UNC13A: variants seen among roughly 807,000 people sequenced by gnomAD.
The protein encoded by UNC13A is protein unc-13 homolog A.
In UNC13A, 61 loss-of-function variants were observed where a neutral mutation model predicts 219.7. The observed-to-expected ratio is 0.28, with a 90% CI of 0.23 to 0.34. UNC13A has a LOEUF of 0.34. Ranked by LOEUF, UNC13A falls within the 10% of genes least tolerant of loss-of-function variation. The pLI, the probability that UNC13A is intolerant of heterozygous loss-of-function variation, is 1.00. For synonymous variants in UNC13A, 920 were observed against 884.6 expected (o/e 1.04, Z -0.71); for missense variants, 1,476 against 2,270.3 (o/e 0.65, Z 7.11).
At chr19:17,671,408 G>A (rs6512211) in intron 4 of UNC13A, among the ~76,000 whole-genome samples, 82,367 of 151,748 alleles carry the variant, frequency 0.54, 24,893 homozygotes, top group African/African-American at 0.79. Flanking sequence ...AGGCCTTCCT[G>A]GGGTCAGCAT....
At chr19:17,610,781 C>T (rs2076595050) in intron 42 of UNC13A, among the ~76,000 whole-genome samples, 1 of 152,138 alleles carries the variant, frequency 6.6e-6, no homozygotes, top group African/African-American at 2.4e-5. Context: ...GGAATCCCAG[C>T]ACTTTGGGAG....
chr19:17,632,723 C>T, intron 28 of UNC13A, 59 bp downstream of exon 28: 1 of 1,611,168 alleles, frequency 6.2e-7, no homozygotes, highest in Non-Finnish European at 8.5e-7. Flanking sequence ...CTCTGGCTTT[C>T]CTTCTAGCTG....
chr19:17,618,366 G>A (rs1424925471), intron 40 of UNC13A, 55 bp downstream of exon 40: 5 of 1,531,818 alleles, frequency 3.3e-6, no homozygotes, highest in Non-Finnish European at 4.4e-6. Context: ...CATGACCACA[G>A]CAGCCACACC....
At position 17,623,533 on chromosome 19, in the gene UNC13A, T is replaced by C. The variant is rs1162478353; in HGVS notation, c.4203+9A>G. 2 of 1,503,656 alleles carry C rather than the reference T, an allele frequency of 1.3e-6. No homozygotes were observed. Among genetic ancestry groups the C allele is most frequent in the East Asian group, 2.6e-5 (1 of 38,508 alleles). 93.1% of individuals were successfully genotyped at this position (1,503,656 alleles called of 1,614,324 possible). ...GGACAGACAGACGGACAGACGGGAC[T>C]CTACTTACGATCATCTGTCATCCGT... On this transcript the variant is annotated intron_variant, in intron 36 of 43. Coordinates refer to ENST00000519716, the MANE Select transcript of UNC13A (RefSeq NM_001080421.3).
In UNC13A at chr19:17,665,237, T is replaced by C. The variant is rs76308864; in HGVS notation, c.523+1413A>G. 1.0e-4 allele frequency among the ~76,000 whole-genome samples: 15 copies of C among 147,824 alleles called. No homozygotes were observed. The East Asian group carries it at 2.2e-3, about 21-fold the overall frequency. On this transcript the variant is annotated intron_variant, in intron 7 of 43. Coordinates refer to ENST00000519716, the MANE Select transcript of UNC13A (RefSeq NM_001080421.3). ...AAAGAGAAGAAGAAAAGAAAGTAAA[T>C]GGGAAAGGAGAAGGAGGCTAAAGAG...
chr19:17,660,324 A>G (rs2079529106), intron 8 of UNC13A, among the ~76,000 whole-genome samples: 3 of 151,864 alleles, frequency 2.0e-5, no homozygotes, highest in South Asian at 4.2e-4. Flanking sequence ...TGAAGGGTAA[A>G]TTACTTTGAG....
At position 17,648,918 on chromosome 19, in the gene UNC13A, C is replaced by T. The variant is rs756693471; in HGVS notation, c.1590G>A (p.Glu530=). 1 of 1,597,530 alleles carries T rather than the reference C, an allele frequency of 6.3e-7. No homozygotes were observed. Among genetic ancestry groups the T allele is most frequent in the Non-Finnish European group, 8.5e-7 (1 of 1,172,694 alleles). Residue 530 remains glutamate, a synonymous_variant, in exon 15 of 44, where the codon GAG becomes GAA. Transcript: ENST00000519716. ...SALASSTLNN[E]ELKNHVYKKT... is the part of the protein sequence containing the mutation. ...AAAGAGGTGCCCCACGCACCAGCTC[C>T]TCGTTGTTCAACGTGCTGGAGGCCA...
At position 17,639,916 on chromosome 19, in the gene UNC13A, G is replaced by A. The variant is rs77244122; in HGVS notation, c.2788-8C>T. ...TTTCACGAAGCGCTCTTTCTGAGGAGGAAGGGGAGGAGGGAGGATGGATGG... is the reference window on the plus strand; with the variant it reads ...TTTCACGAAGCGCTCTTTCTGAGGAAGAAGGGGAGGAGGGAGGATGGATGG... On this transcript the variant is annotated splice_region_variant and splice_polypyrimidine_tract_variant and intron_variant, in intron 22 of 43. Transcript: ENST00000519716. The A allele has an allele frequency of 2.0e-3, 3,300 of 1,613,704 alleles. 53 individuals carry two copies. The African/African-American group carries it at 0.038, about 19-fold the overall frequency.
chr19:17,618,996 G>T (rs752504573), intron 38 of UNC13A, 34 bp from the exon 39 acceptor site: 6 of 1,608,466 alleles, frequency 3.7e-6, no homozygotes, highest in Admixed American at 1.7e-5. Flanking sequence ...GGTGAGGGCA[G>T]GGGTGCTACA....
At chr19:17,659,222 T>G (rs1432568742) in intron 8 of UNC13A, among the ~76,000 whole-genome samples, 1 of 143,526 alleles carries the variant, frequency 7.0e-6, no homozygotes, top group African/African-American at 2.6e-5. Flanking sequence ...GCGGGCAGAT[T>G]ACTTGAGGCC....
intron 3 of UNC13A, among the ~76,000 whole-genome samples, 185 bp from the exon 4 acceptor site, chr19:17,672,680 G>T (rs2079813135): frequency 6.6e-6 from 1 of 152,100 alleles, no homozygotes; most frequent in African/African-American, 2.4e-5. Context: ...GCCAGTGGGG[G>T]AAGTTAAGAG....
chr19:17,647,421 G>C lies in UNC13A; in HGVS notation c.1888C>G (p.Arg630Gly). The change falls in exon 17 of 44, where the codon CGC (arginine) becomes GGC (glycine). Residue 630 changes from arginine (R) to glycine (G), a missense_variant. Physicochemically the swap from Arg to Gly is moderately radical, Grantham distance 125. This residue lies in a region of UNC13A where 85 missense variants were observed against 211.5 expected (regional missense o/e 0.40). Transcript: ENST00000519716. ...TTGTTGCGCTCCCGGATCTTCATGC[G>C]GTCCTTGAGCACCATGATGATGTTC... ...TQNIIMVLKD[R>G]MKIRERNKPE... is the part of the protein sequence containing the mutation. 6.2e-7 allele frequency: 1 copy of C among 1,613,720 alleles called. No individual in the cohort carries two copies. Among genetic ancestry groups the C allele is most frequent in the Non-Finnish European group, 8.5e-7 (1 of 1,179,838 alleles).
chr19:17,624,858 T>C lies in UNC13A; in HGVS notation c.4168A>G (p.Ile1390Val), dbSNP rs746832816. The C allele has an allele frequency of 6.2e-7, 1 of 1,613,834 alleles. No homozygotes were observed. Among genetic ancestry groups the C allele is most frequent in the Non-Finnish European group, 8.5e-7 (1 of 1,179,766 alleles). Residue 1390 changes from isoleucine (I) to valine (V), a missense_variant, in exon 35 of 44, where the codon ATC becomes GTC. Physicochemically the swap from Ile to Val is conservative, Grantham distance 29. Transcript: ENST00000519716. ...KLVMNTMEKT[I>V]VLPPLTDQTM... The stretch of plus-strand genomic sequence containing the variant: ...TGGTCAGTGAGGGGCGGCAGGACGA[T>C]GGTTTTCTCCATGGTGTTCATAACC...
At chr19:17,642,094 A>C (rs906957530) in intron 20 of UNC13A, among the ~76,000 whole-genome samples, 3 of 151,240 alleles carry the variant, frequency 2.0e-5, no homozygotes, top group Non-Finnish European at 4.4e-5. Flanking sequence ...AAATTCACCT[A>C]TCTACTCAAT....
chr19:17,618,574 T>A (rs1458918318), intron 39 of UNC13A, 73 bp from the exon 40 acceptor site: 4 of 1,457,778 alleles, frequency 2.7e-6, no homozygotes, highest in Admixed American at 3.9e-5. Context: ...ATGGGTCTCA[T>A]CCCTGTTCAA....
At chr19:17,635,928 G>A in intron 26 of UNC13A, 96 bp downstream of exon 26, 1 of 1,440,856 alleles carries the variant, frequency 6.9e-7, no homozygotes. Context: ...GCACATTTGT[G>A]TAATTAGACA....
chr19:17,646,923 G>A (rs1364302033), intron 17 of UNC13A, among the ~76,000 whole-genome samples: 1 of 152,062 alleles, frequency 6.6e-6, no homozygotes, highest in Non-Finnish European at 1.5e-5. Flanking sequence ...TCTGCTCAAC[G>A]GCATCTCCTT....
Position 17,618,895 on chromosome 19 carries a change from C to T in UNC13A, c.4329+11G>A, listed in dbSNP as rs758338347. On this transcript the variant is annotated intron_variant, in intron 39 of 43. Coordinates refer to ENST00000519716, the MANE Select transcript of UNC13A (RefSeq NM_001080421.3). ...CAGTCCCTCACGCCATAATCTATCCCCACTCCTCACCTTGAGTTTGGACAG... is the reference window on the plus strand; with the variant it reads ...CAGTCCCTCACGCCATAATCTATCCTCACTCCTCACCTTGAGTTTGGACAG... The T allele has an allele frequency of 1.2e-6, 2 of 1,613,912 alleles. No individual in the cohort carries two copies. The highest frequency in any genetic ancestry group is 1.7e-6 in the Non-Finnish European group (2 of 1,179,852).
intron 42 of UNC13A, 138 bp from the exon 43 acceptor site, chr19:17,610,237 G>T: frequency 2.6e-6 from 3 of 1,149,294 alleles, no homozygotes; most frequent in Middle Eastern, 2.4e-4. Context: ...AGGCCAAGGC[G>T]GGTGGATCAC....
Sources: allele counts gnomAD v4.1 joint callset (sites outside exome capture counted in the v4.1 genomes callset), GRCh38; gene constraint gnomAD v4.1.1; regional missense constraint gnomAD v4.1.1; transcripts MANE v1.5; gene names NCBI Gene and HGNC (gene_info 2026-07-23, HGNC 2026-07-21).